The following RILPL2 variants were observed in gnomAD, a reference collection of about 807,000 sequenced individuals.
The protein encoded by RILPL2 is RILP-like protein 2.
In RILPL2, 19 loss-of-function variants were observed where a neutral mutation model predicts 22.2. The ratio of observed to expected loss-of-function variants is 0.86; its 90% CI spans 0.60 to 1.25. The LOEUF (loss-of-function observed/expected upper bound fraction) is 1.25, where lower values mean the gene tolerates loss of function less well. Ranked by LOEUF, RILPL2 falls within the 50% of genes most tolerant of loss-of-function variation. The pLI is 0.00. For synonymous variants in RILPL2, 123 were observed against 111.6 expected (o/e 1.10, Z -0.64); for missense variants, 243 against 263.6 (o/e 0.92, Z 0.54).
chr12:123,431,284 A>C (rs1289611483), intron 1 of RILPL2, among the ~76,000 whole-genome samples: 1 of 152,082 alleles, frequency 6.6e-6, no homozygotes, highest in Non-Finnish European at 1.5e-5. Flanking sequence ...CATTGTGCTG[A>C]GTGAAATAAG....
At chr12:123,424,520 A>G (rs1339321204) in intron 2 of RILPL2, among the ~76,000 whole-genome samples, 4 of 152,046 alleles carry the variant, frequency 2.6e-5, no homozygotes, top group Admixed American at 2.0e-4. Flanking sequence ...TAGCAGAGAC[A>G]GGGTTTCTCC....
chr12:123,429,920 A>G (rs1341791219), intron 2 of RILPL2, among the ~76,000 whole-genome samples: 1 of 151,074 alleles, frequency 6.6e-6, no homozygotes, highest in Non-Finnish European at 1.5e-5. Context: ...GTTTGACACT[A>G]ACCTGGGCAA....
downstream of RILPL2, among the ~76,000 whole-genome samples, chr12:123,410,129 G>A (rs1345339397): frequency 2.0e-5 from 3 of 152,182 alleles, no homozygotes; most frequent in Admixed American, 2.0e-4. Context: ...TTATAGGCAT[G>A]AGCCACCACG....
At chr12:123,416,618 T>C (rs937848564) in intron 3 of RILPL2, among the ~76,000 whole-genome samples, 1 of 151,996 alleles carries the variant, frequency 6.6e-6, no homozygotes, top group Non-Finnish European at 1.5e-5. Flanking sequence ...CCAGCCTGGG[T>C]GACAGATTGA....
intron 1 of RILPL2, among the ~76,000 whole-genome samples, chr12:123,431,651 G>A (rs1391069799): frequency 1.3e-5 from 2 of 151,626 alleles, no homozygotes; most frequent in Non-Finnish European, 2.9e-5. Flanking sequence ...GTGAAACCCC[G>A]TCTCTACTAA....
At chr12:123,423,262 C>T (rs960877549) in intron 2 of RILPL2, 105 bp from the exon 3 acceptor site, 30 of 705,584 alleles carry the variant, frequency 4.3e-5, no homozygotes, top group African/African-American at 9.7e-5. Flanking sequence ...AGTGCAGTGG[C>T]GCCATCTCAG....
intron 1 of RILPL2, among the ~76,000 whole-genome samples, chr12:123,433,962 T>C (rs1879718682): frequency 6.6e-6 from 1 of 152,202 alleles, no homozygotes; most frequent in African/African-American, 2.4e-5. Context: ...GTGAAGTCCT[T>C]AGGTAAATTA....
downstream of RILPL2, chr12:123,413,543 G>C (rs1051763458): frequency 6.6e-6 from 1 of 152,562 alleles, no homozygotes; most frequent in Non-Finnish European, 1.5e-5. Context: ...GCAGACCTTC[G>C]GGGTGAGTAT....
intron 3 of RILPL2, among the ~76,000 whole-genome samples, chr12:123,418,115 G>A (rs1411839493): frequency 6.6e-6 from 1 of 150,960 alleles, no homozygotes; most frequent in South Asian, 2.1e-4. Flanking sequence ...TAGAGATGAG[G>A]TCTCTACAAA....
At chr12:123,430,363 C>T (rs537366509) in intron 2 of RILPL2, 145 bp downstream of exon 2, 45 of 615,206 alleles carry the variant, frequency 7.3e-5, no homozygotes, top group Middle Eastern at 6.3e-4. Context: ...GAGCCGAGAT[C>T]GCGCCACTGC....
intron 3 of RILPL2, among the ~76,000 whole-genome samples, chr12:123,418,011 A>G (rs1879167125): frequency 6.6e-6 from 1 of 152,120 alleles, no homozygotes; most frequent in Admixed American, 6.5e-5. Context: ...TGGTGTGACC[A>G]TGGCCTACTG....
At chr12:123,430,333 C>A (rs537601001) in intron 2 of RILPL2, among the ~76,000 whole-genome samples, 175 bp downstream of exon 2, 2 of 151,690 alleles carry the variant, frequency 1.3e-5, no homozygotes, top group Non-Finnish European at 2.9e-5. Context: ...GGCGTGAACC[C>A]GGGAGGCAGA....
Position 123,436,360 on chromosome 12 carries a change from C to T in RILPL2, c.61G>A (p.Asp21Asn), listed in dbSNP as rs1879803524. The T allele has an allele frequency of 2.6e-6, 4 of 1,556,202 alleles. No homozygotes were observed. The highest frequency in any genetic ancestry group is 2.6e-6 in the Non-Finnish European group (3 of 1,149,798). The change falls in exon 1 of 4, where the codon GAC (aspartate) becomes AAC (asparagine). Residue 21 changes from aspartate (D) to asparagine (N), a missense_variant. Asp to Asn is a conservative substitution (Grantham distance 23, BLOSUM62 1). Transcript: ENST00000280571. The surrounding 1 kb of genome is among the most constrained non-coding windows in gnomAD (Gnocchi z 6.7). ...EEEGEEDEER[D>N]EVGPEGALGK... is the part of the protein sequence containing the mutation. ...AGCGCCCCCTCGGGCCCAACCTCGT[C>T]CCTCTCCTCGTCCTCCTCTCCCTCC...
intron 2 of RILPL2, among the ~76,000 whole-genome samples, chr12:123,429,135 CTTTT>C (rs888207491): frequency 1.3e-5 from 2 of 151,880 alleles, no homozygotes; most frequent in African/African-American, 2.4e-5. Context: ...CCACTGCAGT[CTTTT>C]TTAACTTTCC....
At chr12:123,422,674 A>G (rs1020954553) in intron 3 of RILPL2, among the ~76,000 whole-genome samples, 1 of 152,078 alleles carries the variant, frequency 6.6e-6, no homozygotes, top group African/African-American at 2.4e-5. Context: ...GCCTGGTCAA[A>G]CATCACAGGG....
At chr12:123,418,784 CAG>C (rs1275548348) in intron 3 of RILPL2, among the ~76,000 whole-genome samples, 1 of 105,028 alleles carries the variant, frequency 9.5e-6, no homozygotes, top group East Asian at 2.9e-4. Flanking sequence ...TTTTTTGAGA[CAG>C]AGTCTTGCTC....
chr12:123,413,624 CA>C (rs1879034399), downstream of RILPL2: 1 of 152,236 alleles, frequency 6.6e-6, no homozygotes, highest in Non-Finnish European at 1.5e-5. Context: ...AACAAAAGAA[CA>C]AAGCTTCCAC....
chr12:123,417,258 T>A (rs1879143812), intron 3 of RILPL2, among the ~76,000 whole-genome samples: 1 of 147,510 alleles, frequency 6.8e-6, no homozygotes, highest in African/African-American at 2.5e-5. Flanking sequence ...GAGATCAAGC[T>A]ACCGCACACC....
downstream of RILPL2, chr12:123,411,095 T>C (rs1019167758): frequency 6.6e-6 from 1 of 151,650 alleles, no homozygotes; most frequent in African/African-American, 2.4e-5. Flanking sequence ...CAGGCTGGAG[T>C]GCAGTGGTGC....
Sources: allele counts gnomAD v4.1 joint callset (sites outside exome capture counted in the v4.1 genomes callset), GRCh38; gene constraint gnomAD v4.1.1; non-coding constraint Gnocchi (gnomAD v3.1); transcripts MANE v1.5; gene names NCBI Gene and HGNC (gene_info 2026-07-23, HGNC 2026-07-21).